NSMCE2: variants seen among roughly 807,000 people sequenced by gnomAD.
NSMCE2 encodes the protein NSE2 SUMO ligase component of SMC5/6 complex.
In NSMCE2, 24 loss-of-function variants were observed where a neutral mutation model predicts 23.8. The ratio of observed to expected loss-of-function variants is 1.01; its 90% CI spans 0.73 to 1.42. The LOEUF is 1.42. Among genes scored for constraint, NSMCE2 ranks in the 40% most tolerant of loss-of-function variants. NSMCE2 has a pLI of 0.00. For missense variants in NSMCE2, 284 were observed against 296.5 expected, an observed-to-expected ratio of 0.96 and a Z score of 0.31; for synonymous variants, 92 against 94.1, an observed-to-expected ratio of 0.98 and a Z score of 0.13.
At position 125,357,813 on chromosome 8, in the gene NSMCE2, G is replaced by A. The variant is rs1586816991; in HGVS notation, c.621G>A (p.Lys207=). 6.2e-7 allele frequency: 1 copy of A among 1,610,574 alleles called. No homozygotes were observed. Among genetic ancestry groups the A allele is most frequent in the Non-Finnish European group, 8.5e-7 (1 of 1,176,850 alleles). The part of the protein sequence containing the change: ...MIESRQKRKK[K]AYCPQIGCSH... ...AGTCCAGGCAAAAGCGGAAGAAAAA[G>A]GCCTAGTGAGTGGACGCAGGGAAGG... is the stretch of plus-strand genomic sequence containing the variant. Residue 207 remains lysine (K), a synonymous_variant, in exon 7 of 8, where the codon AAG becomes AAA. Transcript: ENST00000287437.
In NSMCE2 at chr8:125,102,341, G is replaced by A. The variant is rs140125530; in HGVS notation, c.11G>A (p.Arg4His). The A allele has an allele frequency of 1.1e-5, 18 of 1,613,296 alleles. No individual in the cohort carries two copies. Among genetic ancestry groups the A allele is most frequent in the African/African-American group, 2.7e-5 (2 of 75,020 alleles). Residue 4 changes from arginine to histidine, a missense_variant, in exon 3 of 8, where the codon CGT becomes CAT. Physicochemically the swap from Arg to His is conservative, Grantham distance 29. Coordinates refer to ENST00000287437, the MANE Select transcript of NSMCE2 (RefSeq NM_173685.4). The part of the protein sequence containing the change: MPG[R>H]SSSNSGSTGF... ...GGTACTAATTTCAAGATGCCAGGAC[G>A]TTCCAGTTCAAATTCAGGTTCAACT...
intron 5 of NSMCE2, among the ~76,000 whole-genome samples, chr8:125,288,008 T>C (rs952660476): frequency 2.6e-5 from 4 of 152,220 alleles, no homozygotes; most frequent in Admixed American, 2.6e-4. Flanking sequence ...GTTTTTCTTG[T>C]GGAGACAGGG....
intron 5 of NSMCE2, among the ~76,000 whole-genome samples, chr8:125,240,039 A>G (rs1050828174): frequency 2.0e-5 from 3 of 152,018 alleles, no homozygotes; most frequent in African/African-American, 7.2e-5. Context: ...GATTCACTGG[A>G]CTGAACTGAA....
intron 7 of NSMCE2, among the ~76,000 whole-genome samples, chr8:125,360,186 A>G (rs1429643943): frequency 6.6e-6 from 1 of 152,202 alleles, no homozygotes; most frequent in Non-Finnish European, 1.5e-5. Flanking sequence ...GGATTGTGAT[A>G]GACTCAGCTC....
At chr8:125,316,261 T>C (rs1420381171) in intron 5 of NSMCE2, among the ~76,000 whole-genome samples, 1 of 152,238 alleles carries the variant, frequency 6.6e-6, no homozygotes, top group East Asian at 1.9e-4. Flanking sequence ...AGAACTCAAT[T>C]CAGAACAATT....
intron 7 of NSMCE2, among the ~76,000 whole-genome samples, chr8:125,364,365 GT>G (rs1444001218): frequency 6.6e-6 from 1 of 152,182 alleles, no homozygotes; most frequent in African/African-American, 2.4e-5. Flanking sequence ...TTTCTTTCAT[GT>G]TGGACTGTTG....
chr8:125,188,502 G>A (rs544504448), intron 5 of NSMCE2, among the ~76,000 whole-genome samples: 45 of 152,316 alleles, frequency 3.0e-4, no homozygotes, highest in African/African-American at 1.1e-3. Flanking sequence ...ACTGTTGCCA[G>A]ATCTTCAGGT....
intron 3 of NSMCE2, among the ~76,000 whole-genome samples, chr8:125,130,828 A>C (rs1819739662): frequency 6.6e-6 from 1 of 152,000 alleles, no homozygotes; most frequent in African/African-American, 2.4e-5. Context: ...CTGATTTGTA[A>C]TTTCCCTCAC....
intron 5 of NSMCE2, among the ~76,000 whole-genome samples, chr8:125,301,532 T>G (rs1227482513): frequency 6.6e-6 from 1 of 152,190 alleles, no homozygotes. Context: ...GAAGACTTTC[T>G]TGTTAGTTGT....
chr8:125,181,255 A>G (rs1278757452), intron 4 of NSMCE2, among the ~76,000 whole-genome samples: 1 of 152,180 alleles, frequency 6.6e-6, no homozygotes, highest in African/African-American at 2.4e-5. Flanking sequence ...AGTTGGGATT[A>G]TAAGAGGTTG....
chr8:125,331,063 A>G (rs957035441), intron 5 of NSMCE2, among the ~76,000 whole-genome samples: 5 of 152,202 alleles, frequency 3.3e-5, no homozygotes, highest in African/African-American at 4.8e-5. Flanking sequence ...GCACTTTGGG[A>G]GGCTGAGGCA....
intron 5 of NSMCE2, among the ~76,000 whole-genome samples, chr8:125,293,283 C>T (rs1285250359): frequency 6.6e-6 from 1 of 152,122 alleles, no homozygotes; most frequent in Admixed American, 6.5e-5. Flanking sequence ...GGAAGTTTAT[C>T]AAGGGAGATA....
intron 5 of NSMCE2, among the ~76,000 whole-genome samples, chr8:125,226,097 CA>C (rs1285623452): frequency 6.6e-6 from 1 of 152,164 alleles, no homozygotes; most frequent in Non-Finnish European, 1.5e-5. Flanking sequence ...ATTTTCTTCA[CA>C]AAAACCCCAG....
At chr8:125,358,208 C>T (rs1813369794) in intron 7 of NSMCE2, among the ~76,000 whole-genome samples, 1 of 151,928 alleles carries the variant, frequency 6.6e-6, no homozygotes, top group Non-Finnish European at 1.5e-5. Context: ...TGGCAGGTGC[C>T]TGTAATCCCA....
chr8:125,263,171 A>T (rs1222791239), intron 5 of NSMCE2, among the ~76,000 whole-genome samples: 3 of 152,246 alleles, frequency 2.0e-5, no homozygotes, highest in African/African-American at 7.2e-5. Context: ...AGAGAGAGAG[A>T]TAAGGTAGGA....
chr8:125,323,263 A>G (rs747827360), intron 5 of NSMCE2, among the ~76,000 whole-genome samples: 30 of 152,218 alleles, frequency 2.0e-4, no homozygotes, highest in Non-Finnish European at 5.9e-5. Context: ...CACAATCAGA[A>G]TCCCAGCAGG....
intron 5 of NSMCE2, among the ~76,000 whole-genome samples, chr8:125,355,976 A>G (rs1319111026): frequency 1.3e-5 from 2 of 152,162 alleles, no homozygotes; most frequent in African/African-American, 4.8e-5. Context: ...AGGGATCTCT[A>G]GGGTGCTCCA....
chr8:125,286,437 C>G (rs1337004212), intron 5 of NSMCE2, among the ~76,000 whole-genome samples: 1 of 151,972 alleles, frequency 6.6e-6, no homozygotes, highest in African/African-American at 2.4e-5. Flanking sequence ...CTCAGCCTCC[C>G]AAGTAGCTGG....
chr8:125,211,874 C>G (rs1301653195), intron 5 of NSMCE2, among the ~76,000 whole-genome samples: 3 of 152,200 alleles, frequency 2.0e-5, no homozygotes, highest in Non-Finnish European at 4.4e-5. Context: ...TCTTTGCAAT[C>G]TTAGATAATC....
Sources: allele counts gnomAD v4.1 joint callset (sites outside exome capture counted in the v4.1 genomes callset), GRCh38; gene constraint gnomAD v4.1.1; transcripts MANE v1.5; gene names NCBI Gene and HGNC (gene_info 2026-07-23, HGNC 2026-07-21).